Variants in TAFA1 observed in about 807,000 individuals in gnomAD.
The protein encoded by TAFA1 is chemokine-like protein TAFA-1.
In TAFA1, 4 loss-of-function variants were observed where a neutral mutation model predicts 18.5. The ratio of observed to expected loss-of-function variants is 0.22; its 90% confidence interval spans 0.11 to 0.49. The LOEUF is 0.49. Among genes scored for constraint, TAFA1 ranks in the 20% least tolerant of loss-of-function variants. The pLI, the probability that TAFA1 is intolerant of heterozygous loss-of-function variation, is 0.98. For missense variants in TAFA1, 147 were observed against 169.0 expected (o/e 0.87, Z 0.72); for synonymous variants, 56 against 55.2 (o/e 1.01, Z -0.06).
At chr3:68,192,932 A>G (rs1251250674) in intron 2 of TAFA1, among the ~76,000 whole-genome samples, 1 of 151,736 alleles carries the variant, frequency 6.6e-6, no homozygotes, top group African/African-American at 2.4e-5. Flanking sequence ...AAATGTGTCC[A>G]TAGAGGCACA....
chr3:68,447,916 T>C (rs1056176244), intron 3 of TAFA1, among the ~76,000 whole-genome samples: 2 of 152,176 alleles, frequency 1.3e-5, no homozygotes, highest in Non-Finnish European at 2.9e-5. Flanking sequence ...CTTTATTAAG[T>C]TGGTTAATCC....
intron 3 of TAFA1, among the ~76,000 whole-genome samples, chr3:68,456,814 C>A (rs192218259): frequency 6.6e-6 from 1 of 152,078 alleles, no homozygotes; most frequent in Non-Finnish European, 1.5e-5. Flanking sequence ...GTCCTTAAGC[C>A]GGATTCATTT....
intron 2 of TAFA1, among the ~76,000 whole-genome samples, chr3:68,354,620 C>G (rs1056615698): frequency 6.6e-6 from 1 of 151,988 alleles, no homozygotes; most frequent in Non-Finnish European, 1.5e-5. Flanking sequence ...TTCATTCATG[C>G]TACTGTAACA....
Position 68,246,589 on chromosome 3 carries a change from C to CAAAAAAAAAAAAAAAA in TAFA1, c.119-170670_119-170655dup, listed in dbSNP as rs63748968. ...TGGGCGACAGAGCGGGACTCCGTCT[C>CAAAAAAAAAAAAAAAA]AAAAAAAAAAAAAAAAAAAAAAAAA... On this transcript the variant is annotated intron_variant, in intron 2 of 4. Coordinates refer to ENST00000478136, the MANE Select transcript of TAFA1 (RefSeq NM_213609.4). Among the ~76,000 whole-genome samples, 49 of 55,344 alleles carry CAAAAAAAAAAAAAAAA rather than the reference C, an allele frequency of 8.9e-4. 6 individuals are homozygous for CAAAAAAAAAAAAAAAA. The highest frequency in any genetic ancestry group is 1.8e-3 in the African/African-American group (25 of 13,772). 36.3% of individuals were successfully genotyped at this position (55,344 alleles called of 152,430 possible).
chr3:68,484,406 G>C (rs2106664535), intron 3 of TAFA1, among the ~76,000 whole-genome samples: 1 of 152,280 alleles, frequency 6.6e-6, no homozygotes, highest in East Asian at 1.9e-4. Context: ...TAGGTGAAAG[G>C]GGATGAGCCA....
intron 3 of TAFA1, among the ~76,000 whole-genome samples, chr3:68,518,295 T>TA (rs1171018385): frequency 1.2e-4 from 2 of 16,160 alleles, no homozygotes; most frequent in Admixed American, 3.3e-3. Context: ...ATGAATACAA[T>TA]TTTTTTTGGC....
Position 68,274,786 on chromosome 3 carries a change from T to A in TAFA1, c.119-142494T>A, listed in dbSNP as rs542445185. ...TCATTAGCCTTACTCAGAAGTCTAA[T>A]GTGTGCTTTAATTTAATGAGATGCG... is the stretch of plus-strand genomic sequence containing the variant. On this transcript the variant is annotated intron_variant, in intron 2 of 4. Coordinates refer to ENST00000478136, the MANE Select transcript of TAFA1 (RefSeq NM_213609.4). Among the ~76,000 whole-genome samples, 30 of 152,342 alleles carry A rather than the reference T, an allele frequency of 2.0e-4. No individual in the cohort carries two copies. In the Middle Eastern group the frequency reaches 0.01, roughly 52 times the overall value.
rs139057538 is a variant in TAFA1, at chr3:68,191,536, T to A, written c.118+184792T>A. ...AATGTCTCTATTGGTTTGGCTTTAGTACATACCTGTAGGATTGATGAATTG... is the reference window on the plus strand; with the variant it reads ...AATGTCTCTATTGGTTTGGCTTTAGAACATACCTGTAGGATTGATGAATTG... On this transcript the variant is annotated intron_variant, in intron 2 of 4. Coordinates refer to ENST00000478136, the MANE Select transcript of TAFA1 (RefSeq NM_213609.4). Among the ~76,000 whole-genome samples the A allele has an allele frequency of 1.5e-3, 225 of 151,964 alleles. 3 individuals carry two copies. The East Asian group carries it at 0.034, about 23-fold the overall frequency.
intron 3 of TAFA1, among the ~76,000 whole-genome samples, chr3:68,472,520 A>G (rs1322860178): frequency 6.6e-6 from 1 of 152,006 alleles, no homozygotes. Flanking sequence ...ACACACACAC[A>G]CACACACACA....
At chr3:68,166,265 C>T (rs1020772237) in intron 2 of TAFA1, among the ~76,000 whole-genome samples, 6 of 152,188 alleles carry the variant, frequency 3.9e-5, no homozygotes, top group African/African-American at 1.4e-4. Context: ...GGGCCTTAAA[C>T]CCATCTACAT....
At chr3:68,141,177 GGCA>G (rs2065663511) in intron 2 of TAFA1, among the ~76,000 whole-genome samples, 1 of 152,086 alleles carries the variant, frequency 6.6e-6, no homozygotes, top group Non-Finnish European at 1.5e-5. Context: ...GTCAATGGTG[GGCA>G]GCAGCTTGTG....
At chr3:68,113,844 C>A (rs1201185580) in intron 2 of TAFA1, among the ~76,000 whole-genome samples, 1 of 148,970 alleles carries the variant, frequency 6.7e-6, no homozygotes, top group Non-Finnish European at 1.5e-5. Flanking sequence ...TTGCTCTGGC[C>A]AGTAAAATGC....
chr3:68,427,635 G>A (rs1337105664), intron 3 of TAFA1, among the ~76,000 whole-genome samples: 1 of 151,738 alleles, frequency 6.6e-6, no homozygotes, highest in Non-Finnish European at 1.5e-5. Context: ...GAAGCTCCTT[G>A]AATTTTTGAA....
chr3:68,163,804 A>T lies in TAFA1; in HGVS notation c.118+157060A>T, dbSNP rs533088554. On this transcript the variant is annotated intron_variant, in intron 2 of 4. Coordinates refer to ENST00000478136, the MANE Select transcript of TAFA1 (RefSeq NM_213609.4). ...TAATTTTTAACTAATAAACTGGAAGATCTACTAGAAGGATGGGAAGGAGCA... is the reference window on the plus strand; with the variant it reads ...TAATTTTTAACTAATAAACTGGAAGTTCTACTAGAAGGATGGGAAGGAGCA... Among the ~76,000 whole-genome samples the T allele has an allele frequency of 3.3e-5, 5 of 152,342 alleles. No homozygotes were observed. The East Asian group carries it at 9.6e-4, about 29-fold the overall frequency.
At chr3:68,498,751 TTTTTTTG>T (rs2072600963) in intron 3 of TAFA1, among the ~76,000 whole-genome samples, 1 of 94,152 alleles carries the variant, frequency 1.1e-5, no homozygotes, top group African/African-American at 4.1e-5. Flanking sequence ...TTTTTTTTTT[TTTTTTTG>T]AGAGAGAGAG....
intron 2 of TAFA1, among the ~76,000 whole-genome samples, chr3:68,387,085 G>C (rs1053245995): frequency 6.6e-6 from 1 of 150,746 alleles, no homozygotes; most frequent in African/African-American, 2.4e-5. Flanking sequence ...TCTGCATGCA[G>C]ACACTTTCTT....
At chr3:68,094,418 GT>G (rs2106803422) in intron 2 of TAFA1, among the ~76,000 whole-genome samples, 1 of 152,288 alleles carries the variant, frequency 6.6e-6, no homozygotes, top group African/African-American at 2.4e-5. Flanking sequence ...GGTATCTCCA[GT>G]TCCTGGAACA....
At chr3:68,116,284 C>A (rs1267968942) in intron 2 of TAFA1, among the ~76,000 whole-genome samples, 6 of 125,080 alleles carry the variant, frequency 4.8e-5, no homozygotes, top group Non-Finnish European at 3.5e-5. Flanking sequence ...AACAAACAAA[C>A]AAAAAATGTA....
intron 2 of TAFA1, among the ~76,000 whole-genome samples, chr3:68,061,465 C>T (rs2064601410): frequency 6.6e-6 from 1 of 152,054 alleles, no homozygotes; most frequent in South Asian, 2.1e-4. Flanking sequence ...GGTTAAAAGG[C>T]ATAGTGGGAA....
Sources: allele counts gnomAD v4.1 joint callset (sites outside exome capture counted in the v4.1 genomes callset), GRCh38; gene constraint gnomAD v4.1.1; transcripts MANE v1.5; gene names NCBI Gene and HGNC (gene_info 2026-07-23, HGNC 2026-07-21).